HS6ST3: variants seen among roughly 807,000 people sequenced by gnomAD.
The protein encoded by HS6ST3 is heparan sulfate 6-O-sulfotransferase 3.
A neutral mutation model predicts 36.7 loss-of-function variants in HS6ST3; 12 were observed. That is an observed-to-expected ratio of 0.33 (90% confidence interval 0.21 to 0.53). The LOEUF is 0.53. Ranked by LOEUF, HS6ST3 falls within the 20% of genes least tolerant of loss-of-function variation. HS6ST3 has a pLI of 0.95. For synonymous variants in HS6ST3, 240 were observed against 257.5 expected, an observed-to-expected ratio of 0.93 and a Z score of 0.65; for missense variants, 584 against 640.9, an observed-to-expected ratio of 0.91 and a Z score of 0.96.
chr13:96,578,358 G>A (rs892509298), intron 1 of HS6ST3, among the ~76,000 whole-genome samples: 4 of 152,142 alleles, frequency 2.6e-5, no homozygotes, highest in African/African-American at 7.2e-5. Context: ...GGTCATCCAC[G>A]TGGCAGTTTT....
At chr13:96,761,088 C>A (rs997810791) in intron 1 of HS6ST3, among the ~76,000 whole-genome samples, 2 of 151,576 alleles carry the variant, frequency 1.3e-5, no homozygotes, top group African/African-American at 4.8e-5. Context: ...AGCATTTTCT[C>A]TGTATATATG....
chr13:96,338,306 C>T (rs2055112033), intron 1 of HS6ST3, among the ~76,000 whole-genome samples: 1 of 152,096 alleles, frequency 6.6e-6, no homozygotes, highest in South Asian at 2.1e-4. Flanking sequence ...TCTTGGGTCT[C>T]AGTGCACCGG....
At chr13:96,730,997 G>A (rs1051806640) in intron 1 of HS6ST3, among the ~76,000 whole-genome samples, 1 of 152,132 alleles carries the variant, frequency 6.6e-6, no homozygotes, top group Non-Finnish European at 1.5e-5. Context: ...CTCCCGAAGT[G>A]CAACATGATG....
chr13:96,624,673 C>T (rs1042074567), intron 1 of HS6ST3, among the ~76,000 whole-genome samples: 1 of 152,084 alleles, frequency 6.6e-6, no homozygotes, highest in Non-Finnish European at 1.5e-5. Context: ...TGATTAGTTC[C>T]CACTTATAAG....
chr13:96,209,616 T>C (rs1438177216), intron 1 of HS6ST3, among the ~76,000 whole-genome samples: 3 of 152,158 alleles, frequency 2.0e-5, no homozygotes, highest in Non-Finnish European at 4.4e-5. Context: ...AGCAGGACCT[T>C]CTACAGGTTG....
At chr13:96,805,464 C>G (rs1878176801) in intron 1 of HS6ST3, among the ~76,000 whole-genome samples, 1 of 152,182 alleles carries the variant, frequency 6.6e-6, no homozygotes, top group Non-Finnish European at 1.5e-5. Context: ...TTATAAATTA[C>G]CCAGTCTCAG....
chr13:96,668,633 G>A (rs988415853), intron 1 of HS6ST3, among the ~76,000 whole-genome samples: 4 of 140,008 alleles, frequency 2.9e-5, no homozygotes, highest in African/African-American at 1.0e-4. Flanking sequence ...GTGTCACCCT[G>A]GTTCTGGGAA....
At chr13:96,238,786 C>T (rs964060714) in intron 1 of HS6ST3, among the ~76,000 whole-genome samples, 6 of 152,194 alleles carry the variant, frequency 3.9e-5, no homozygotes, top group South Asian at 2.1e-4. Context: ...CGATAGCGTG[C>T]TTTCAATATA....
intron 1 of HS6ST3, among the ~76,000 whole-genome samples, chr13:96,166,595 A>G (rs1420438316): frequency 1.8e-5 from 1 of 55,212 alleles, no homozygotes; most frequent in Admixed American, 2.1e-4. Context: ...TTTTTTTTGT[A>G]GAGACAGGGT....
chr13:96,451,959 C>G (rs2055730392), intron 1 of HS6ST3, among the ~76,000 whole-genome samples: 1 of 152,004 alleles, frequency 6.6e-6, no homozygotes, highest in Admixed American at 6.6e-5. Flanking sequence ...TTTGTTTAGT[C>G]TGGTTTTTAT....
chr13:96,488,183 G>A (rs145261511), intron 1 of HS6ST3, among the ~76,000 whole-genome samples: 52 of 152,014 alleles, frequency 3.4e-4, no homozygotes, highest in African/African-American at 1.2e-3. Context: ...TATGCACCCC[G>A]TGAACTTGGC....
At chr13:96,151,807 C>A (rs1275098944) in intron 1 of HS6ST3, among the ~76,000 whole-genome samples, 1 of 152,178 alleles carries the variant, frequency 6.6e-6, no homozygotes, top group African/African-American at 2.4e-5. Flanking sequence ...CCTCAGTAAG[C>A]CTCCACCATC....
At chr13:96,269,166 A>G (rs1927791) in intron 1 of HS6ST3, among the ~76,000 whole-genome samples, 75,599 of 151,734 alleles carry the variant, frequency 0.5, 19,208 homozygotes, top group Middle Eastern at 0.61. Context: ...CAAGAGCCAC[A>G]GAATGAAATT....
chr13:96,163,357 G>T (rs1185858033), intron 1 of HS6ST3, among the ~76,000 whole-genome samples: 1 of 150,840 alleles, frequency 6.6e-6, no homozygotes, highest in African/African-American at 2.4e-5. Context: ...AGCCTCCTGA[G>T]TATCTGGGAC....
chr13:96,395,313 A>T (rs898072651), intron 1 of HS6ST3, among the ~76,000 whole-genome samples: 1 of 152,226 alleles, frequency 6.6e-6, no homozygotes, highest in African/African-American at 2.4e-5. Context: ...TTGTAATAAA[A>T]CAAACTAGTT....
At chr13:96,123,436 A>G (rs1015062022) in intron 1 of HS6ST3, among the ~76,000 whole-genome samples, 5 of 152,198 alleles carry the variant, frequency 3.3e-5, no homozygotes, top group African/African-American at 1.2e-4. Context: ...AGGATTGGAC[A>G]AATGGTATTA....
intron 1 of HS6ST3, among the ~76,000 whole-genome samples, chr13:96,401,628 ATGG>A (rs759042281): frequency 1.3e-5 from 2 of 152,110 alleles, no homozygotes; most frequent in African/African-American, 2.4e-5. Context: ...AGGCTGGAGT[ATGG>A]TGGTGCGATC....
intron 1 of HS6ST3, among the ~76,000 whole-genome samples, chr13:96,259,146 ATGTGTGTGTC>A (rs2054652097): frequency 6.6e-6 from 1 of 151,514 alleles, no homozygotes; most frequent in Non-Finnish European, 1.5e-5. Context: ...GTGTGTGTGT[ATGTGTGTGTC>A]TGTGTGTTTG....
intron 1 of HS6ST3, among the ~76,000 whole-genome samples, chr13:96,507,721 A>G (rs2056032292): frequency 6.6e-6 from 1 of 152,104 alleles, no homozygotes; most frequent in Non-Finnish European, 1.5e-5. Flanking sequence ...AATGTAAACA[A>G]TTAAAAAAGA....
Sources: gnomAD v4.1 joint callset for allele counts (sites outside exome capture counted in the v4.1 genomes callset) on GRCh38, gnomAD v4.1.1 for gene constraint, MANE v1.5 for transcripts, NCBI Gene and HGNC (gene_info 2026-07-23, HGNC 2026-07-21) for gene names.